WDR72: variants seen among roughly 807,000 people sequenced by gnomAD.
The protein encoded by WDR72 is WD repeat domain 72.
A neutral mutation model predicts 124.2 loss-of-function variants in WDR72; 120 were observed. The ratio of observed to expected loss-of-function variants is 0.97; its 90% confidence interval spans 0.83 to 1.12. WDR72 has a LOEUF of 1.12. WDR72 is among the 50% of genes most tolerant of loss of function. WDR72 has a pLI of 0.00. For synonymous variants in WDR72, 452 were observed against 441.7 expected, an observed-to-expected ratio of 1.02 and a Z score of -0.29; for missense variants, 1,387 against 1,278.8, an observed-to-expected ratio of 1.08 and a Z score of -1.29.
rs2014765223 is a variant in WDR72, at chr15:53,639,545, TTTATTTATTTATAAAATTATATATAATG to T, written c.1963-23330_1963-23303del. Among the ~76,000 whole-genome samples, 3 of 131,014 alleles carry T rather than the reference TTTATTTATTTATAAAATTATATATAATG, an allele frequency of 2.3e-5. No homozygotes were observed. The South Asian group carries it at 6.6e-4, about 29-fold the overall frequency. The allele number at this position is 131,014 out of a possible 152,430, so 86.0% of individuals were successfully genotyped here. ...ATTTATTTATAAAATTATATATAATTTTATTTATTTATAAAATTATATATAATGTTATAAATTAAAAATTATATAAAAT... is the reference window on the plus strand; with the variant it reads ...ATTTATTTATAAAATTATATATAATTTTATAAATTAAAAATTATATAAAAT... On this transcript the variant is annotated intron_variant, in intron 14 of 19. Transcript: ENST00000360509.
At position 53,550,393 on chromosome 15, in the gene WDR72, C is replaced by T. The variant is rs140752047; in HGVS notation, c.3149-27071G>A. On this transcript the variant is annotated intron_variant, in intron 18 of 19. Transcript: ENST00000360509. ...TTCAGCTTATGGTTTGCAGACCTCT[C>T]GTCTTGACCATTTCTGGTTAGTGCA... is the stretch of plus-strand genomic sequence containing the variant. Among the ~76,000 whole-genome samples, 474 of 152,250 alleles carry T rather than the reference C, an allele frequency of 3.1e-3. 2 individuals are homozygous for T. The highest frequency in any genetic ancestry group is 0.016 in the South Asian group (78 of 4,820).
intron 17 of WDR72, among the ~76,000 whole-genome samples, chr15:53,597,748 TCTCA>T (rs1325464645): frequency 1.8e-4 from 28 of 152,294 alleles, no homozygotes; most frequent in African/African-American, 6.5e-4. Flanking sequence ...CAATAATAAA[TCTCA>T]CTAACTTTTG....
At chr15:53,562,710 A>G (rs1894166036) in intron 18 of WDR72, among the ~76,000 whole-genome samples, 1 of 151,836 alleles carries the variant, frequency 6.6e-6, no homozygotes, top group South Asian at 2.1e-4. Flanking sequence ...AACTTCAAGT[A>G]AGAAGTGATT....
At chr15:53,762,272 C>T (rs935070708), upstream of WDR72, among the ~76,000 whole-genome samples, 2 of 152,210 alleles carry the variant, frequency 1.3e-5, no homozygotes, top group African/African-American at 2.4e-5. Flanking sequence ...GCACTCCTCT[C>T]GCCTTCTGCA....
chr15:53,546,018 G>A (rs934071012), intron 18 of WDR72, among the ~76,000 whole-genome samples: 19 of 136,906 alleles, frequency 1.4e-4, no homozygotes, highest in African/African-American at 5.4e-4. Context: ...GAAACAACAG[G>A]TGCTGGAGAG....
intron 1 of WDR72, among the ~76,000 whole-genome samples, chr15:53,744,474 C>A (rs1235083510): frequency 2.0e-5 from 3 of 152,174 alleles, no homozygotes; most frequent in South Asian, 2.1e-4. Context: ...AGCTCCCAAA[C>A]TGTTCTGCTT....
At chr15:53,746,679 A>G (rs903413050) in intron 1 of WDR72, among the ~76,000 whole-genome samples, 1 of 152,098 alleles carries the variant, frequency 6.6e-6, no homozygotes, top group Non-Finnish European at 1.5e-5. Flanking sequence ...TGAATTACTT[A>G]AAGATTTTTT....
chr15:53,727,688 TC>T (rs2018082187), intron 2 of WDR72, among the ~76,000 whole-genome samples: 1 of 152,184 alleles, frequency 6.6e-6, no homozygotes, highest in Non-Finnish European at 1.5e-5. Flanking sequence ...TGAGGGAACA[TC>T]AAGGATATTC....
At chr15:53,648,745 G>A (rs932329291) in intron 14 of WDR72, among the ~76,000 whole-genome samples, 1 of 151,820 alleles carries the variant, frequency 6.6e-6, no homozygotes, top group African/African-American at 2.4e-5. Flanking sequence ...TACCCAGAGA[G>A]TATGCTCACT....
intron 1 of WDR72, among the ~76,000 whole-genome samples, chr15:53,744,244 C>T (rs955218586): frequency 6.6e-6 from 1 of 151,882 alleles, no homozygotes. Flanking sequence ...CTGGTGTATA[C>T]GAAAATAATT....
chr15:53,646,277 T>G (rs942949588), intron 14 of WDR72, among the ~76,000 whole-genome samples: 3 of 152,164 alleles, frequency 2.0e-5, no homozygotes, highest in Admixed American at 6.6e-5. Flanking sequence ...CTGGATTGTT[T>G]GAAATTTTTA....
chr15:53,669,640 AAT>A (rs2015921822), intron 13 of WDR72, among the ~76,000 whole-genome samples: 1 of 152,206 alleles, frequency 6.6e-6, no homozygotes, highest in South Asian at 2.1e-4. Context: ...TGTTTCCTTA[AAT>A]ATGTCTCCAA....
chr15:53,621,498 G>A (rs1205011206), intron 14 of WDR72, among the ~76,000 whole-genome samples: 1 of 147,142 alleles, frequency 6.8e-6, no homozygotes, highest in Non-Finnish European at 1.5e-5. Flanking sequence ...ATATGACCTG[G>A]ATGAGATTGG....
intron 16 of WDR72, among the ~76,000 whole-genome samples, 194 bp downstream of exon 16, chr15:53,613,472 T>C (rs929302835): frequency 1.3e-5 from 2 of 152,086 alleles, no homozygotes; most frequent in Admixed American, 6.6e-5. Context: ...ATTTTCTAAA[T>C]GAAGAAAGTA....
chr15:53,619,264 T>TTTTG (rs3223120), intron 14 of WDR72, among the ~76,000 whole-genome samples: 1 of 147,406 alleles, frequency 6.8e-6, no homozygotes, highest in Admixed American at 6.8e-5. Context: ...TGCTTTATAA[T>TTTTG]TGTGTGTGTG....
intron 14 of WDR72, among the ~76,000 whole-genome samples, chr15:53,644,692 C>T (rs561563999): frequency 6.6e-6 from 1 of 152,202 alleles, no homozygotes; most frequent in African/African-American, 2.4e-5. Flanking sequence ...TTCAGATTCT[C>T]TGAGACCTAG....
intron 9 of WDR72, among the ~76,000 whole-genome samples, chr15:53,706,373 T>TACATACATATATATATATATATATAC (rs1379101453): frequency 4.5e-5 from 3 of 67,336 alleles, no homozygotes; most frequent in Admixed American, 1.6e-4. Flanking sequence ...TATATATATA[T>TACATACATATATATATATATATATAC]ATATATATAT....
intron 18 of WDR72, among the ~76,000 whole-genome samples, chr15:53,545,176 T>C (rs536947545): frequency 7.1e-4 from 108 of 151,400 alleles, no homozygotes; most frequent in Non-Finnish European, 1.1e-3. Flanking sequence ...AAAGTTCATG[T>C]GGAACCAAAA....
intron 2 of WDR72, 26 bp from the exon 3 acceptor site, chr15:53,722,934 A>G: frequency 6.3e-7 from 1 of 1,580,124 alleles, no homozygotes; most frequent in Non-Finnish European, 8.7e-7. Context: ...GTGAGCTTTT[A>G]AATAATTGTA....
Sources: allele counts gnomAD v4.1 joint callset (sites outside exome capture counted in the v4.1 genomes callset), GRCh38; gene constraint gnomAD v4.1.1; transcripts MANE v1.5; gene names NCBI Gene and HGNC (gene_info 2026-07-23, HGNC 2026-07-21).